ADGRL2: variants seen among roughly 807,000 people sequenced by gnomAD.
ADGRL2 encodes calcium-independent alpha-latrotoxin receptor 2.
Under a neutral mutation model 157.4 loss-of-function variants are expected in ADGRL2, and 44 were observed. That is an observed-to-expected ratio of 0.28 (90% CI 0.22 to 0.36). ADGRL2 has a LOEUF of 0.36. ADGRL2 is among the 10% of genes least tolerant of loss of function. The probability of loss-of-function intolerance (pLI) is 1.00; values close to 1 mark genes in which losing one functional copy is unlikely to be tolerated. For synonymous variants in ADGRL2, 585 were observed against 624.7 expected (o/e 0.94, Z 0.95); for missense variants, 1,510 against 1,768.9 (o/e 0.85, Z 2.63).
intron 2 of ADGRL2, among the ~76,000 whole-genome samples, chr1:81,569,507 G>A (rs1044859240): frequency 7.9e-5 from 12 of 152,158 alleles, no homozygotes; most frequent in African/African-American, 2.2e-4. Flanking sequence ...GGAGATTGTC[G>A]TCAAGATGTC....
chr1:81,862,138 G>C (rs2093410205), intron 2 of ADGRL2, among the ~76,000 whole-genome samples: 1 of 151,990 alleles, frequency 6.6e-6, no homozygotes, highest in South Asian at 2.1e-4. Flanking sequence ...AATTAATATG[G>C]TAAAATGTCA....
chr1:81,819,192 C>T (rs1411709897), intron 1 of ADGRL2, among the ~76,000 whole-genome samples: 2 of 152,012 alleles, frequency 1.3e-5, no homozygotes, highest in African/African-American at 2.4e-5. Flanking sequence ...GACGACAGTC[C>T]TTGGTGAGAG....
chr1:81,867,308 G>A (rs1256522102), intron 2 of ADGRL2, among the ~76,000 whole-genome samples: 1 of 152,160 alleles, frequency 6.6e-6, no homozygotes, highest in Non-Finnish European at 1.5e-5. Context: ...GAACAAGGTA[G>A]CATTGTTATT....
Position 81,955,962 on chromosome 1 carries a change from C to G in ADGRL2, c.1919C>G (p.Thr640Ser), listed in dbSNP as rs1262168685. ...KHMNSSEQAH[T>S]ATMLLDTLEE... is the part of the protein sequence containing the mutation. ...ATGAATTCTTCTGAACAAGCACATA[C>G]TGCAACAATGTTACTCGATACATTG... Residue 640 changes from threonine (T) to serine (S), a missense_variant, in exon 11 of 24, where the codon ACT (threonine) becomes AGT (serine). Physicochemically the swap from Thr to Ser is moderately conservative, Grantham distance 58. Around this residue, in one of 4 missense-constraint regions of ADGRL2, gnomAD observed 325 missense variants for 333.2 expected, o/e 0.98. Transcript: ENST00000686636. The G allele has an allele frequency of 3.7e-6, 6 of 1,610,918 alleles. No homozygotes were observed. The highest frequency in any genetic ancestry group is 5.1e-6 in the Non-Finnish European group (6 of 1,178,546).
intron 4 of ADGRL2, among the ~76,000 whole-genome samples, chr1:81,941,481 A>G (rs1647984421): frequency 6.6e-6 from 1 of 151,766 alleles, no homozygotes; most frequent in African/African-American, 2.4e-5. Context: ...CTTAGTAAAT[A>G]TCTATGAAAA....
At chr1:81,394,854 G>A (rs1390484024) in intron 1 of ADGRL2, among the ~76,000 whole-genome samples, 2 of 151,214 alleles carry the variant, frequency 1.3e-5, no homozygotes, top group Admixed American at 1.3e-4. Flanking sequence ...ATTCTTACCA[G>A]CATTTGTTAT....
intron 3 of ADGRL2, among the ~76,000 whole-genome samples, chr1:81,693,481 T>C (rs772500401): frequency 2.0e-5 from 3 of 152,224 alleles, no homozygotes; most frequent in Non-Finnish European, 4.4e-5. Context: ...TCCCAAGGTC[T>C]ATGTTGGGTG....
intron 2 of ADGRL2, among the ~76,000 whole-genome samples, chr1:81,467,380 C>G (rs1018209030): frequency 6.6e-6 from 1 of 152,108 alleles, no homozygotes; most frequent in Non-Finnish European, 1.5e-5. Flanking sequence ...TCTCGTCCCC[C>G]TCTTTAAAAA....
chr1:81,502,389 C>G, intron 2 of ADGRL2: 2 of 1,614,070 alleles, frequency 1.2e-6, no homozygotes, highest in Admixed American at 1.7e-5. Flanking sequence ...AGAGAGATCT[C>G]TCGAGATTTT....
intron 8 of ADGRL2, 117 bp downstream of exon 8, chr1:81,951,238 T>TAA (rs200057725): frequency 4.8e-6 from 3 of 623,908 alleles, no homozygotes. Context: ...AGTATAAAAG[T>TAA]AAAAAAAAAT....
intron 1 of ADGRL2, among the ~76,000 whole-genome samples, chr1:81,307,019 C>A (rs1336475945): frequency 6.6e-6 from 1 of 152,202 alleles, no homozygotes; most frequent in African/African-American, 2.4e-5. Context: ...TTATTGCTAA[C>A]AGGCCTGTCA....
At chr1:81,692,188 C>T (rs1438511746) in intron 3 of ADGRL2, among the ~76,000 whole-genome samples, 2 of 151,976 alleles carry the variant, frequency 1.3e-5, no homozygotes, top group South Asian at 4.1e-4. Context: ...GGGCAGATCA[C>T]CTGAGGTCAG....
chr1:81,676,993 T>TC (rs1337431960), intron 3 of ADGRL2, among the ~76,000 whole-genome samples: 3 of 135,536 alleles, frequency 2.2e-5, no homozygotes, highest in African/African-American at 9.1e-5. Context: ...TGGATTATTC[T>TC]TTTTTTTTTT....
chr1:81,876,357 C>T (rs573775318), intron 2 of ADGRL2, among the ~76,000 whole-genome samples: 13 of 151,936 alleles, frequency 8.6e-5, no homozygotes, highest in Admixed American at 7.9e-4. Flanking sequence ...TTAAGAATCC[C>T]AACATTTGTT....
chr1:81,855,857 A>G (rs920423795), intron 2 of ADGRL2, among the ~76,000 whole-genome samples: 1 of 152,196 alleles, frequency 6.6e-6, no homozygotes, highest in Non-Finnish European at 1.5e-5. Context: ...AAAAATATTG[A>G]ATGAGAGTAG....
intron 3 of ADGRL2, among the ~76,000 whole-genome samples, chr1:81,675,340 C>A (rs1307295277): frequency 2.6e-5 from 4 of 152,144 alleles, no homozygotes; most frequent in African/African-American, 4.8e-5. Flanking sequence ...AGTCAAATCT[C>A]CAATGAGCTG....
At chr1:81,493,063 C>A (rs1042821372) in intron 2 of ADGRL2, among the ~76,000 whole-genome samples, 3 of 152,112 alleles carry the variant, frequency 2.0e-5, no homozygotes, top group Admixed American at 6.6e-5. Context: ...TTTTAAAAAA[C>A]AATGTAACTC....
chr1:81,801,938 G>A (rs1366592649), intron 1 of ADGRL2, among the ~76,000 whole-genome samples: 1 of 152,000 alleles, frequency 6.6e-6, no homozygotes, highest in Non-Finnish European at 1.5e-5. Flanking sequence ...GACCTCTCTC[G>A]AAGAGCGGCG....
chr1:81,526,785 T>C (rs577602318), intron 2 of ADGRL2, among the ~76,000 whole-genome samples: 3 of 152,346 alleles, frequency 2.0e-5, no homozygotes, highest in Admixed American at 6.5e-5. Context: ...ATATACACAT[T>C]CTCCATATTT....
Sources: allele counts gnomAD v4.1 joint callset (sites outside exome capture counted in the v4.1 genomes callset), GRCh38; gene constraint gnomAD v4.1.1; regional missense constraint gnomAD v4.1.1; transcripts MANE v1.5; gene names NCBI Gene and HGNC (gene_info 2026-07-23, HGNC 2026-07-21).